Variants in FALEC observed in about 807,000 individuals in gnomAD.
The protein encoded by FALEC is focally amplified lncRNA on chromosome 1.
chr1:150,521,573 C>T (rs892126525), downstream of FALEC, among the ~76,000 whole-genome samples: 5 of 152,204 alleles, frequency 3.3e-5, no homozygotes, highest in African/African-American at 1.2e-4. Flanking sequence ...GTTTTATTTG[C>T]TCATTTAAGA....
the FALEC span, among the ~76,000 whole-genome samples, chr1:150,534,819 C>T: frequency 1.4e-4 from 20 of 142,474 alleles, no homozygotes; most frequent in Non-Finnish European, 2.3e-4. Flanking sequence ...TCCAGCCTGG[C>T]AACAGAGCAA....
At chr1:150,532,067 C>T in the FALEC span, among the ~76,000 whole-genome samples, 1 of 152,186 alleles carries the variant, frequency 6.6e-6, no homozygotes, top group African/African-American at 2.4e-5. Flanking sequence ...CCACCACGCC[C>T]AGCTAATTTT....
chr1:150,526,593 A>G, the FALEC span, among the ~76,000 whole-genome samples: 2 of 150,958 alleles, frequency 1.3e-5, no homozygotes, highest in Admixed American at 1.3e-4. Context: ...ACATGCCACC[A>G]TGCTCAGCTA....
the FALEC span, among the ~76,000 whole-genome samples, chr1:150,525,447 C>G: frequency 6.6e-6 from 1 of 151,190 alleles, no homozygotes; most frequent in Non-Finnish European, 1.5e-5. Context: ...AGAGTGAGAC[C>G]ATGTCTTAAA....
At chr1:150,534,804 T>G in the FALEC span, among the ~76,000 whole-genome samples, 1 of 146,236 alleles carries the variant, frequency 6.8e-6, no homozygotes, top group Non-Finnish European at 1.5e-5. Context: ...ATCATGCCAC[T>G]GCACTCCAGC....
chr1:150,520,817 GGGTTTT>G (rs1358995267), downstream of FALEC, among the ~76,000 whole-genome samples: 2 of 70,528 alleles, frequency 2.8e-5, no homozygotes, highest in East Asian at 9.3e-4. Flanking sequence ...TTTTGAGACA[GGGTTTT>G]GCTCTTGTTG....
chr1:150,527,677 C>G, the FALEC span, among the ~76,000 whole-genome samples: 1 of 151,954 alleles, frequency 6.6e-6, no homozygotes, highest in African/African-American at 2.4e-5. Flanking sequence ...TGGCGAAACC[C>G]CACCTCTACT....
chr1:150,525,078 C>T, the FALEC span, among the ~76,000 whole-genome samples: 435 of 151,518 alleles, frequency 2.9e-3, no homozygotes, highest in African/African-American at 1.0e-2. Context: ...AGGCGGATCA[C>T]GAGGTCAGGA....
At chr1:150,531,390 G>A in the FALEC span, among the ~76,000 whole-genome samples, 1 of 152,076 alleles carries the variant, frequency 6.6e-6, no homozygotes, top group African/African-American at 2.4e-5. Flanking sequence ...CAGGAGAATT[G>A]CTTGAACCTG....
At chr1:150,521,576 A>G (rs1258591491), downstream of FALEC, among the ~76,000 whole-genome samples, 1 of 152,224 alleles carries the variant, frequency 6.6e-6, no homozygotes, top group Non-Finnish European at 1.5e-5. Flanking sequence ...TTATTTGCTC[A>G]TTTAAGATTG....
chr1:150,534,176 T>C, the FALEC span, among the ~76,000 whole-genome samples: 1 of 152,108 alleles, frequency 6.6e-6, no homozygotes, highest in Admixed American at 6.5e-5. Flanking sequence ...GCCTCAACTC[T>C]GAGGAGCTGG....
the FALEC span, among the ~76,000 whole-genome samples, chr1:150,534,722 A>G: frequency 2.1e-4 from 32 of 151,852 alleles, no homozygotes; most frequent in East Asian, 5.8e-4. Context: ...CGTGGCTGTA[A>G]TCCCAGCTAC....
At chr1:150,528,078 C>T in the FALEC span, among the ~76,000 whole-genome samples, 4 of 151,954 alleles carry the variant, frequency 2.6e-5, no homozygotes, top group Non-Finnish European at 5.9e-5. Context: ...TTCGCCTATC[C>T]GGGGTGGGCA....
chr1:150,533,598 G>A, the FALEC span, among the ~76,000 whole-genome samples: 2 of 151,910 alleles, frequency 1.3e-5, no homozygotes, highest in Non-Finnish European at 2.9e-5. Flanking sequence ...CACAACACCC[G>A]GCTAATTTTT....
downstream of FALEC, among the ~76,000 whole-genome samples, chr1:150,520,872 C>A (rs182942154): frequency 1.1e-3 from 155 of 143,062 alleles, 1 homozygote; most frequent in South Asian, 8.0e-3. Flanking sequence ...TGGCTCAGCG[C>A]GATCTCAGCT....
chr1:150,522,971 A>ATTTTT (rs1560270847), downstream of FALEC, among the ~76,000 whole-genome samples: 5 of 31,566 alleles, frequency 1.6e-4, no homozygotes, highest in Non-Finnish European at 2.5e-4. Flanking sequence ...ATATATATAT[A>ATTTTT]TATATATATA....
chr1:150,520,259 ACTAT>A (rs1182256508), downstream of FALEC, among the ~76,000 whole-genome samples: 1 of 152,216 alleles, frequency 6.6e-6, no homozygotes, highest in Non-Finnish European at 1.5e-5. Flanking sequence ...AACCGTCACC[ACTAT>A]CTATTCCAAA....
the FALEC span, among the ~76,000 whole-genome samples, chr1:150,532,517 C>T: frequency 6.6e-5 from 10 of 152,206 alleles, no homozygotes; most frequent in East Asian, 1.9e-4. Flanking sequence ...GCAGGCCGGC[C>T]GGCAATAGAG....
downstream of FALEC, among the ~76,000 whole-genome samples, chr1:150,519,376 A>C (rs1471044172): frequency 6.6e-6 from 1 of 152,196 alleles, no homozygotes; most frequent in East Asian, 1.9e-4. Flanking sequence ...CCCATGTAAA[A>C]TGTACAATTC....
Sources: allele counts gnomAD v4.1 joint callset (sites outside exome capture counted in the v4.1 genomes callset), GRCh38; gene constraint gnomAD v4.1.1; transcripts MANE v1.5; gene names NCBI Gene and HGNC (gene_info 2026-07-23, HGNC 2026-07-21).